The following MSH3 variants were observed in gnomAD, a reference collection of about 807,000 sequenced individuals.
The protein encoded by MSH3 is DNA mismatch repair protein Msh3.
A neutral mutation model predicts 123.3 loss-of-function variants in MSH3; 106 were observed. That is an observed-to-expected ratio of 0.86 (90% confidence interval 0.73 to 1.01). MSH3 has a LOEUF of 1.01. Among genes scored for constraint, MSH3 ranks in the 50% least tolerant of loss-of-function variants. The pLI, the probability that MSH3 is intolerant of heterozygous loss-of-function variation, is 0.00. For synonymous variants in MSH3, 515 were observed against 481.4 expected (o/e 1.07, Z -0.91); for missense variants, 1,459 against 1,347.6 (o/e 1.08, Z -1.29).
intron 20 of MSH3, among the ~76,000 whole-genome samples, chr5:80,840,138 C>T (rs560741455): frequency 6.6e-6 from 1 of 152,256 alleles, no homozygotes; most frequent in East Asian, 1.9e-4. Context: ...TTTATTATTA[C>T]TGGTGTATTA....
intron 20 of MSH3, among the ~76,000 whole-genome samples, chr5:80,842,917 C>T (rs534825608): frequency 1.1e-4 from 17 of 152,092 alleles, no homozygotes; most frequent in African/African-American, 1.9e-4. Flanking sequence ...GCCTGATTGC[C>T]CTAGCCAGAA....
intron 3 of MSH3, 41 bp downstream of exon 3, chr5:80,665,404 A>C (rs762556920): frequency 2.8e-5 from 41 of 1,477,740 alleles, no homozygotes; most frequent in Non-Finnish European, 3.7e-5. Context: ...TACCTAGAAT[A>C]GTGGGTTCTG....
At chr5:80,669,941 T>C (rs1465948484) in intron 3 of MSH3, among the ~76,000 whole-genome samples, 156 bp from the exon 4 acceptor site, 1 of 152,236 alleles carries the variant, frequency 6.6e-6, no homozygotes, top group Non-Finnish European at 1.5e-5. Flanking sequence ...ATTTGTAACC[T>C]ATGGATAGTT....
intron 8 of MSH3, among the ~76,000 whole-genome samples, chr5:80,717,676 TG>T (rs2112849557): frequency 6.6e-6 from 1 of 152,384 alleles, no homozygotes; most frequent in South Asian, 2.1e-4. Flanking sequence ...CAACACTTTT[TG>T]TCTTTGTGAC....
chr5:80,745,141 A>ATCCAGTGCCTAACATACAGTGATT (rs1347303997), intron 12 of MSH3, among the ~76,000 whole-genome samples: 3 of 152,196 alleles, frequency 2.0e-5, no homozygotes, highest in African/African-American at 7.2e-5. Context: ...AGATACTTGA[A>ATCCAGTGCCTAACATACAGTGATT]TCCAGTGCCT....
intron 12 of MSH3, among the ~76,000 whole-genome samples, chr5:80,755,202 A>G (rs966810913): frequency 2.0e-5 from 3 of 150,642 alleles, no homozygotes; most frequent in Non-Finnish European, 4.4e-5. Flanking sequence ...GCTGCTAAGA[A>G]CAAAATGAAC....
rs143142619 is a variant in MSH3 at position 80,791,881 on chromosome 5, G to A, written c.2544-852G>A. ...AAGCTGGTCTCAGTAGTAACATCTG[G>A]GAAGGAGAGCTGAGAGTAGGGCAGG... On this transcript the variant is annotated intron_variant, in intron 18 of 23. Transcript: ENST00000265081. 7.2e-5 allele frequency among the ~76,000 whole-genome samples: 11 copies of A among 152,290 alleles called. No individual in the cohort carries two copies. In the East Asian group the frequency reaches 2.1e-3, roughly 29 times the overall value.
intron 8 of MSH3, among the ~76,000 whole-genome samples, chr5:80,718,926 A>G (rs1378560770): frequency 6.6e-6 from 1 of 152,146 alleles, no homozygotes; most frequent in Non-Finnish European, 1.5e-5. Context: ...GATGCTAGTA[A>G]TCTTTAGTAG....
chr5:80,714,944 C>T (rs958086669), intron 8 of MSH3, among the ~76,000 whole-genome samples: 9 of 152,176 alleles, frequency 5.9e-5, no homozygotes, highest in Admixed American at 1.3e-4. Flanking sequence ...AAAAATCCTT[C>T]TTCAGCACCA....
At chr5:80,724,816 A>G (rs181156918) in intron 8 of MSH3, among the ~76,000 whole-genome samples, 2 of 152,310 alleles carry the variant, frequency 1.3e-5, no homozygotes, top group East Asian at 1.9e-4. Flanking sequence ...TTCTCTCTTC[A>G]TATTTAGTAA....
intron 8 of MSH3, among the ~76,000 whole-genome samples, chr5:80,714,131 T>C (rs1015310588): frequency 2.0e-4 from 6 of 29,794 alleles, no homozygotes; most frequent in Non-Finnish European, 4.5e-4. Context: ...TCAAATAGAC[T>C]TTTTTTTTTT....
At chr5:80,675,703 A>G (rs1239667338) in intron 7 of MSH3, among the ~76,000 whole-genome samples, 2 of 152,138 alleles carry the variant, frequency 1.3e-5, no homozygotes, top group South Asian at 2.1e-4. Context: ...TCAATACTCT[A>G]TGCTATGGAG....
At chr5:80,677,314 C>T (rs1749863620) in intron 7 of MSH3, among the ~76,000 whole-genome samples, 2 of 152,138 alleles carry the variant, frequency 1.3e-5, no homozygotes, top group South Asian at 2.1e-4. Flanking sequence ...CAGTTTTATA[C>T]ACACTGATTT....
At chr5:80,761,369 A>G (rs1744028751) in intron 12 of MSH3, among the ~76,000 whole-genome samples, 177 bp from the exon 13 acceptor site, 1 of 152,114 alleles carries the variant, frequency 6.6e-6, no homozygotes, top group African/African-American at 2.4e-5. Flanking sequence ...CTCTCAATGC[A>G]TACGCCCATT....
At chr5:80,868,115 A>C (rs540797107) in intron 22 of MSH3, among the ~76,000 whole-genome samples, 1 of 152,314 alleles carries the variant, frequency 6.6e-6, no homozygotes, top group East Asian at 1.9e-4. Flanking sequence ...AAAAGTCAAA[A>C]AATAACAGGT....
chr5:80,759,655 A>G (rs983578772), intron 12 of MSH3, among the ~76,000 whole-genome samples: 3 of 152,214 alleles, frequency 2.0e-5, no homozygotes, highest in Non-Finnish European at 4.4e-5. Context: ...GAGGTGTGAC[A>G]TGAACAGATT....
At chr5:80,789,651 G>A (rs1186321795) in intron 18 of MSH3, among the ~76,000 whole-genome samples, 2 of 152,184 alleles carry the variant, frequency 1.3e-5, no homozygotes, top group African/African-American at 2.4e-5. Context: ...AATTATAGAC[G>A]TGAGCCATAG....
intron 2 of MSH3, among the ~76,000 whole-genome samples, chr5:80,660,888 C>A (rs530522406): frequency 6.6e-6 from 1 of 152,054 alleles, no homozygotes; most frequent in Non-Finnish European, 1.5e-5. Flanking sequence ...ACCTCTGCCC[C>A]GCCAAGTTTA....
chr5:80,671,083 A>T (rs1749714379), intron 4 of MSH3, among the ~76,000 whole-genome samples: 1 of 151,484 alleles, frequency 6.6e-6, no homozygotes, highest in Non-Finnish European at 1.5e-5. Context: ...AGATCCTGCC[A>T]TTGCACTCTA....
Sources: allele counts gnomAD v4.1 joint callset (sites outside exome capture counted in the v4.1 genomes callset), GRCh38; gene constraint gnomAD v4.1.1; transcripts MANE v1.5; gene names NCBI Gene and HGNC (gene_info 2026-07-23, HGNC 2026-07-21).